Variants in PARL observed in about 807,000 individuals in gnomAD.
PARL encodes the protein presenilin-associated rhomboid-like protein, mitochondrial.
In PARL, 44 loss-of-function variants were observed where a neutral mutation model predicts 51.6. The observed-to-expected ratio is 0.85, with a 90% CI of 0.67 to 1.10. The LOEUF (loss-of-function observed/expected upper bound fraction) is 1.10. PARL is among the 50% of genes least tolerant of loss of function. The probability of loss-of-function intolerance (pLI) is 0.00; values close to 1 mark genes in which losing one functional copy is unlikely to be tolerated. For synonymous variants in PARL, 172 were observed against 164.0 expected, an observed-to-expected ratio of 1.05 and a Z score of -0.37; for missense variants, 441 against 469.5, an observed-to-expected ratio of 0.94 and a Z score of 0.56.
At position 183,833,493 on chromosome 3, in the gene PARL, T is replaced by C. The variant is rs1258229975; in HGVS notation, c.1027A>G (p.Ile343Val). Reference sequence around the variant, plus strand: ...GCAATCAATTACACTCAAACTTACATTCCAAAAAGAGCTCCCCCAAGATGT... The same window carrying C: ...GCAATCAATTACACTCAAACTTACACTCCAAAAAGAGCTCCCCCAAGATGT... ...AAHLGGALFG[I>V]WYVTYGHELI... is the part of the protein sequence containing the mutation. The change falls in exon 9 of 10, where the codon ATA becomes GTA. Residue 343 changes from isoleucine to valine, a missense_variant and splice_region_variant. By Grantham distance (29) the Ile-to-Val change is conservative. Coordinates refer to ENST00000317096, the MANE Select transcript of PARL (RefSeq NM_018622.7). 1 of 1,596,240 alleles carries C rather than the reference T, an allele frequency of 6.3e-7. No individual in the cohort carries two copies. Among genetic ancestry groups the C allele is most frequent in the South Asian group, 1.1e-5 (1 of 90,750 alleles).
chr3:183,849,018 T>C lies in PARL; in HGVS notation c.512-4692A>G, dbSNP rs1027855870. ...CATCAAGAAATAGCAATTAGAAACA[T>C]ATGTACCTAACAAAAGAATCTCAAA... On this transcript the variant is annotated intron_variant, in intron 4 of 9. Coordinates refer to ENST00000317096, the MANE Select transcript of PARL (RefSeq NM_018622.7). Among the ~76,000 whole-genome samples, 5 of 152,022 alleles carry C rather than the reference T, an allele frequency of 3.3e-5. No individual in the cohort carries two copies. The South Asian group carries it at 1.0e-3, about 31-fold the overall frequency.
intron 1 of PARL, among the ~76,000 whole-genome samples, chr3:183,883,417 C>A (rs543901914): frequency 1.3e-5 from 2 of 152,200 alleles, no homozygotes; most frequent in African/African-American, 4.8e-5. Flanking sequence ...TACAGGCGCC[C>A]GCCACCATGC....
At chr3:183,864,552 A>G (rs1336316888) in intron 3 of PARL, among the ~76,000 whole-genome samples, 1 of 152,102 alleles carries the variant, frequency 6.6e-6, no homozygotes. Flanking sequence ...CGAGGTGGGC[A>G]GATCACGAGG....
rs779663958 is a variant in PARL, at chr3:183,842,315, G to A, written c.740C>T (p.Ala247Val). 6.2e-7 allele frequency: 1 copy of A among 1,612,678 alleles called. No homozygotes were observed. Among genetic ancestry groups the A allele is most frequent in the South Asian group, 1.1e-5 (1 of 91,028 alleles). Residue 247 changes from alanine (A) to valine (V), a missense_variant, in exon 6 of 10, where the codon GCA becomes GTA. Ala to Val is a moderately conservative substitution (Grantham distance 64). Transcript: ENST00000317096. ...CATATTACCTGCAGATAGGTACACT[G>A]CCATGAACTGCTCTTGACCCAGAAT... ...VNILGQEQFM[A>V]VYLSAGVISN... is the part of the protein sequence containing the mutation.
chr3:183,836,271 C>T (rs1728578239), intron 7 of PARL, among the ~76,000 whole-genome samples: 1 of 146,326 alleles, frequency 6.8e-6, no homozygotes, highest in African/African-American at 2.5e-5. Context: ...TTCTAAACTA[C>T]TATTCCATAG....
intron 6 of PARL, 110 bp downstream of exon 6, chr3:183,842,188 T>C: frequency 9.3e-7 from 1 of 1,072,552 alleles, no homozygotes; most frequent in South Asian, 1.3e-5. Flanking sequence ...ACAAATATGT[T>C]CTGAGCACTC....
chr3:183,880,787 T>C (rs151008587), intron 1 of PARL, among the ~76,000 whole-genome samples: 230 of 152,230 alleles, frequency 1.5e-3, no homozygotes, highest in African/African-American at 5.4e-3. Flanking sequence ...ATAGTTACAA[T>C]ACAGTCTCAT....
chr3:183,840,688 G>A, intron 6 of PARL, 48 bp from the exon 7 acceptor site: 1 of 918,542 alleles, frequency 1.1e-6, no homozygotes, highest in South Asian at 1.5e-5. Context: ...TATAAAAATG[G>A]TTTACTTTTT....
intron 4 of PARL, among the ~76,000 whole-genome samples, chr3:183,853,956 T>C (rs560195647): frequency 6.6e-6 from 1 of 152,132 alleles, no homozygotes; most frequent in East Asian, 1.9e-4. Context: ...CCAAAAGAAT[T>C]GGCCAGGTGT....
In PARL at chr3:183,884,704, G is replaced by T; in HGVS notation, c.125+18C>A. The T allele has an allele frequency of 6.3e-7, 1 of 1,584,066 alleles. No homozygotes were observed. Among genetic ancestry groups the T allele is most frequent in the South Asian group, 1.1e-5 (1 of 87,250 alleles). ...CAGGGACCAAGAGGCGAGAAGACCA[G>T]AGCGCGGCGGCTATTACCTGCGTCC... On this transcript the variant is annotated intron_variant, in intron 1 of 9. Coordinates refer to ENST00000317096, the MANE Select transcript of PARL (RefSeq NM_018622.7).
Position 183,844,245 on chromosome 3 carries a change from G to C in PARL, c.593C>G (p.Ser198Trp). Reference protein sequence around the residue: ...LQRTMIRYFTSNPASKVLCSP... With the variant: ...LQRTMIRYFTWNPASKVLCSP... ...GTTAGACTTACTTGAGGCTGGATTC[G>C]ATGTGAAATATCTGATCATTGTCCG... Residue 198 changes from serine to tryptophan, a missense_variant, in exon 5 of 10, where the codon TCG becomes TGG. Transcript: ENST00000317096. 1 of 1,596,322 alleles carries C rather than the reference G, an allele frequency of 6.3e-7. No individual in the cohort carries two copies. Among genetic ancestry groups the C allele is most frequent in the Non-Finnish European group, 8.6e-7 (1 of 1,164,960 alleles).
rs762252790 is a variant in PARL, at chr3:183,842,357, G to A, written c.698C>T (p.Ser233Phe). 1.2e-6 allele frequency: 2 copies of A among 1,613,712 alleles called. No homozygotes were observed. Among genetic ancestry groups the A allele is most frequent in the Non-Finnish European group, 1.7e-6 (2 of 1,179,846 alleles). The change falls in exon 6 of 10, where the codon TCT becomes TTT. Residue 233 changes from serine (S) to phenylalanine (F), a missense_variant. Ser to Phe is a radical substitution (Grantham distance 155). Transcript: ENST00000317096. ...ACCCAGAATGTTCACTATGCTGGAA[G>A]AGAAGCTCCACAAAACATACATATT... ...AANMYVLWSF[S>F]SSIVNILGQE...
At chr3:183,875,502 A>C (rs568737831) in intron 1 of PARL, among the ~76,000 whole-genome samples, 2 of 152,256 alleles carry the variant, frequency 1.3e-5, no homozygotes, top group Admixed American at 6.5e-5. Context: ...TAGAAGATCA[A>C]ATCAGCCACA....
At position 183,857,483 on chromosome 3, in the gene PARL, T is replaced by C. The variant is rs535890017; in HGVS notation, c.511+5270A>G. Among the ~76,000 whole-genome samples the C allele has an allele frequency of 6.6e-5, 10 of 152,310 alleles. No homozygotes were observed. In the South Asian group the frequency reaches 2.1e-3, roughly 32 times the overall value. ...TAAAATATTAAGTGAAAAAAAATCA[T>C]GGTGCAGAAGAGTATGTACTGCATG... On this transcript the variant is annotated intron_variant, in intron 4 of 9. Coordinates refer to ENST00000317096, the MANE Select transcript of PARL (RefSeq NM_018622.7).
intron 7 of PARL, among the ~76,000 whole-genome samples, chr3:183,835,596 G>A (rs1382916118): frequency 6.6e-6 from 1 of 152,226 alleles, no homozygotes; most frequent in Non-Finnish European, 1.5e-5. Context: ...GCCGGGCACG[G>A]TGGCTCACGC....
At position 183,844,227 on chromosome 3, in the gene PARL, T is replaced by C. The variant is rs1396827302; in HGVS notation, c.607+4A>G. On this transcript the variant is annotated splice_donor_region_variant and intron_variant, in intron 5 of 9. Transcript: ENST00000317096. ...TAAAATAAATTCACACAAGTTAGAC[T>C]TACTTGAGGCTGGATTCGATGTGAA... 2 of 1,552,496 alleles carry C rather than the reference T, an allele frequency of 1.3e-6. No homozygotes were observed. The highest frequency in any genetic ancestry group is 4.5e-5 in the East Asian group (2 of 44,616).
downstream of PARL, among the ~76,000 whole-genome samples, chr3:183,827,979 CACG>C (rs1727552385): frequency 6.6e-6 from 1 of 152,222 alleles, no homozygotes; most frequent in South Asian, 2.1e-4. Flanking sequence ...CCAAGAGGCC[CACG>C]GGCCAGGGAG....
intron 4 of PARL, among the ~76,000 whole-genome samples, chr3:183,861,691 TTAAGTC>T (rs1265521532): frequency 2.6e-5 from 4 of 152,190 alleles, no homozygotes; most frequent in Admixed American, 6.5e-5. Flanking sequence ...CAATTAGACT[TTAAGTC>T]TAATCAAATT....
intron 7 of PARL, among the ~76,000 whole-genome samples, chr3:183,838,062 T>G (rs1283463927): frequency 2.0e-5 from 3 of 151,576 alleles, no homozygotes; most frequent in Non-Finnish European, 4.4e-5. Flanking sequence ...CGCTATGTTG[T>G]CCAGGTTGGA....
Sources: gnomAD v4.1 joint callset for allele counts (sites outside exome capture counted in the v4.1 genomes callset) on GRCh38, gnomAD v4.1.1 for gene constraint, MANE v1.5 for transcripts, NCBI Gene and HGNC (gene_info 2026-07-23, HGNC 2026-07-21) for gene names.